The following CTNNA3 variants were observed in gnomAD, a reference collection of about 807,000 sequenced individuals.
The protein encoded by CTNNA3 is catenin alpha 3, also known as catenin alpha-3.
Under a neutral mutation model 95.7 loss-of-function variants are expected in CTNNA3, and 76 were observed. The observed-to-expected ratio is 0.79, with a 90% CI of 0.66 to 0.96. CTNNA3 has a LOEUF of 0.96. CTNNA3 is among the 40% of genes least tolerant of loss of function. The pLI, the probability that CTNNA3 is intolerant of heterozygous loss-of-function variation, is 0.00. For missense variants in CTNNA3, 1,191 were observed against 1,089.8 expected, an observed-to-expected ratio of 1.09 and a Z score of -1.31; for synonymous variants, 431 against 374.4, an observed-to-expected ratio of 1.15 and a Z score of -1.74.
At chr10:66,014,959 T>C (rs886178374) in intron 15 of CTNNA3, among the ~76,000 whole-genome samples, 1 of 151,878 alleles carries the variant, frequency 6.6e-6, no homozygotes, top group African/African-American at 2.4e-5. Context: ...AAAAATTAGC[T>C]GGGCATGGTG....
At chr10:67,638,662 T>G (rs1839412573) in intron 2 of CTNNA3, among the ~76,000 whole-genome samples, 1 of 152,178 alleles carries the variant, frequency 6.6e-6, no homozygotes, top group Admixed American at 6.5e-5. Flanking sequence ...AAACTGTCTC[T>G]CAGACCACAG....
intron 9 of CTNNA3, among the ~76,000 whole-genome samples, chr10:66,628,960 A>G (rs947640075): frequency 6.6e-6 from 1 of 152,102 alleles, no homozygotes; most frequent in Non-Finnish European, 1.5e-5. Context: ...ATGTGAGGAG[A>G]AAAAGTTCTT....
chr10:66,354,459 G>A (rs2092593585), intron 12 of CTNNA3, among the ~76,000 whole-genome samples: 1 of 151,986 alleles, frequency 6.6e-6, no homozygotes, highest in African/African-American at 2.4e-5. Flanking sequence ...TATCAAAAAT[G>A]TGTCCAAAAA....
intron 10 of CTNNA3, among the ~76,000 whole-genome samples, chr10:66,620,151 G>A (rs1229915150): frequency 6.6e-6 from 1 of 152,086 alleles, no homozygotes; most frequent in African/African-American, 2.4e-5. Flanking sequence ...TTGATAGAAT[G>A]TCTTAACGAG....
intron 10 of CTNNA3, among the ~76,000 whole-genome samples, chr10:66,541,952 A>C (rs143307711): frequency 0.024 from 3,701 of 152,242 alleles, 92 homozygotes; most frequent in East Asian, 0.058. Context: ...TGAACAGGCA[A>C]CCTACAAAAT....
At chr10:67,053,491 T>C (rs141220804) in intron 7 of CTNNA3, among the ~76,000 whole-genome samples, 208 of 152,316 alleles carry the variant, frequency 1.4e-3, no homozygotes, top group African/African-American at 4.7e-3. Context: ...CATCAGTCAG[T>C]ATCTATATGC....
At chr10:66,745,612 CAG>C (rs1838831490) in intron 9 of CTNNA3, among the ~76,000 whole-genome samples, 1 of 111,102 alleles carries the variant, frequency 9.0e-6, no homozygotes, top group African/African-American at 3.6e-5. Context: ...TTTTTTGAGA[CAG>C]AGTCTCACTG....
chr10:66,754,005 G>A (rs1181053188), intron 9 of CTNNA3, among the ~76,000 whole-genome samples: 1 of 152,052 alleles, frequency 6.6e-6, no homozygotes, highest in East Asian at 1.9e-4. Context: ...ATTTCAGATT[G>A]TCATTGAATA....
chr10:67,177,742 G>A (rs1283978950), intron 7 of CTNNA3, among the ~76,000 whole-genome samples: 2 of 152,116 alleles, frequency 1.3e-5, no homozygotes, highest in Non-Finnish European at 2.9e-5. Flanking sequence ...TAGAAACCTG[G>A]AGTGACAGTA....
intron 7 of CTNNA3, among the ~76,000 whole-genome samples, chr10:67,095,205 A>G (rs1857910203): frequency 6.6e-6 from 1 of 151,648 alleles, no homozygotes; most frequent in African/African-American, 2.4e-5. Flanking sequence ...ACTTACTGAT[A>G]CATCTTACTA....
intron 7 of CTNNA3, among the ~76,000 whole-genome samples, chr10:66,999,551 G>C (rs1419034017): frequency 6.6e-6 from 1 of 152,016 alleles, no homozygotes; most frequent in Non-Finnish European, 1.5e-5. Context: ...TAACTATAGA[G>C]GTGATCAGAC....
chr10:65,982,456 G>C (rs1273759243), intron 16 of CTNNA3, among the ~76,000 whole-genome samples: 3 of 151,230 alleles, frequency 2.0e-5, no homozygotes, highest in South Asian at 2.1e-4. Context: ...ATTCCTTAAA[G>C]AACTGAAAGT....
At chr10:67,522,529 T>G (rs1380779805) in intron 4 of CTNNA3, among the ~76,000 whole-genome samples, 3 of 152,124 alleles carry the variant, frequency 2.0e-5, no homozygotes, top group African/African-American at 7.2e-5. Context: ...AACATTTTGA[T>G]GATCAAAGCA....
rs113850504 is a variant in CTNNA3, at chr10:67,596,223, A to G, written c.292+10634T>C. ...TGATTATGTAGTTGCTTTATAGTGC[A>G]TTGGATCTATGTACTTAAGTGTTTT... On this transcript the variant is annotated intron_variant, in intron 3 of 17. Coordinates refer to ENST00000433211, the MANE Select transcript of CTNNA3 (RefSeq NM_013266.4). Among the ~76,000 whole-genome samples the G allele has an allele frequency of 4.2e-3, 634 of 152,236 alleles. 4 individuals carry two copies. The highest frequency in any genetic ancestry group is 0.014 in the African/African-American group (597 of 41,546).
chr10:66,359,385 C>T (rs2092636357), intron 12 of CTNNA3, among the ~76,000 whole-genome samples: 1 of 152,020 alleles, frequency 6.6e-6, no homozygotes, highest in Non-Finnish European at 1.5e-5. Flanking sequence ...CTTGATTAGC[C>T]TCTCATTTCA....
intron 8 of CTNNA3, among the ~76,000 whole-genome samples, chr10:66,768,418 T>C (rs952376309): frequency 3.3e-5 from 5 of 152,052 alleles, no homozygotes; most frequent in Admixed American, 2.0e-4. Context: ...ACAGGAGTCA[T>C]GATTAAAGAG....
At chr10:66,978,117 A>G (rs887516552) in intron 7 of CTNNA3, among the ~76,000 whole-genome samples, 3 of 151,866 alleles carry the variant, frequency 2.0e-5, no homozygotes, top group Non-Finnish European at 4.4e-5. Context: ...TGAAAATATG[A>G]TCCTAGATAA....
intron 7 of CTNNA3, among the ~76,000 whole-genome samples, chr10:66,855,150 G>C (rs1280138109): frequency 6.6e-6 from 1 of 151,962 alleles, no homozygotes; most frequent in Non-Finnish European, 1.5e-5. Context: ...CACAAGGTTA[G>C]CAGTTTCTGA....
At chr10:66,470,649 T>G (rs1839093473) in intron 11 of CTNNA3, among the ~76,000 whole-genome samples, 1 of 151,630 alleles carries the variant, frequency 6.6e-6, no homozygotes, top group Non-Finnish European at 1.5e-5. Flanking sequence ...TATATTAGAG[T>G]TGGACAAGCC....
Sources: gnomAD v4.1 joint callset for allele counts (sites outside exome capture counted in the v4.1 genomes callset) on GRCh38, gnomAD v4.1.1 for gene constraint, MANE v1.5 for transcripts, NCBI Gene and HGNC (gene_info 2026-07-23, HGNC 2026-07-21) for gene names.